Variants in CSMD2 observed in about 807,000 individuals in gnomAD.
The protein encoded by CSMD2 is CUB and sushi domain-containing protein 2.
CSMD2 carries 130 observed loss-of-function variants against 398.5 expected under a neutral mutation model. The observed-to-expected ratio is 0.33, with a 90% confidence interval of 0.28 to 0.38. The LOEUF is 0.38. CSMD2 is among the 10% of genes least tolerant of loss of function. The pLI, the probability that CSMD2 is intolerant of heterozygous loss-of-function variation, is 1.00. For synonymous variants in CSMD2, 1,828 were observed against 1,908.5 expected, an observed-to-expected ratio of 0.96 and a Z score of 1.10; for missense variants, 3,829 against 4,764.9, an observed-to-expected ratio of 0.80 and a Z score of 5.78.
At chr1:33,912,223 G>A (rs906166343) in intron 5 of CSMD2, among the ~76,000 whole-genome samples, 11 of 152,108 alleles carry the variant, frequency 7.2e-5, no homozygotes, top group African/African-American at 2.4e-4. Context: ...AGGGTGATCC[G>A]AGTGAAATAG....
At chr1:33,653,963 T>A (rs74066676) in intron 27 of CSMD2, among the ~76,000 whole-genome samples, 494 of 152,250 alleles carry the variant, frequency 3.2e-3, no homozygotes, top group African/African-American at 0.011. Flanking sequence ...GCACTGGTAC[T>A]TTAGCTGTGT....
intron 5 of CSMD2, among the ~76,000 whole-genome samples, chr1:33,910,853 T>C (rs1297461176): frequency 6.6e-6 from 1 of 152,170 alleles, no homozygotes; most frequent in African/African-American, 2.4e-5. Flanking sequence ...TGAAGTCAAG[T>C]TCTGGACTTT....
At chr1:33,987,023 G>C (rs373034324) in intron 3 of CSMD2, among the ~76,000 whole-genome samples, 115 of 152,210 alleles carry the variant, frequency 7.6e-4, no homozygotes, top group African/African-American at 2.6e-3. Flanking sequence ...CGATGGCACA[G>C]CAGGGATGGG....
intron 22 of CSMD2, among the ~76,000 whole-genome samples, chr1:33,706,058 T>C (rs1645767751): frequency 6.6e-6 from 1 of 152,192 alleles, no homozygotes; most frequent in Non-Finnish European, 1.5e-5. Context: ...TTTATTATGT[T>C]ACATTATTCA....
intron 2 of CSMD2, among the ~76,000 whole-genome samples, chr1:34,064,835 C>T (rs773854602): frequency 4.6e-5 from 7 of 152,070 alleles, no homozygotes; most frequent in African/African-American, 9.7e-5. Flanking sequence ...TTCCACATGG[C>T]GGGGGAGGCC....
At chr1:34,016,719 C>T (rs1296387328) in intron 3 of CSMD2, among the ~76,000 whole-genome samples, 1 of 152,060 alleles carries the variant, frequency 6.6e-6, no homozygotes, top group South Asian at 2.1e-4. Context: ...CAGTGATAGA[C>T]TGCATAAAGA....
chr1:33,825,298 G>A (rs1359215578), intron 7 of CSMD2, among the ~76,000 whole-genome samples: 1 of 152,188 alleles, frequency 6.6e-6, no homozygotes, highest in Non-Finnish European at 1.5e-5. Context: ...CTTGGGAGCT[G>A]GAACTGGGGC....
chr1:34,089,287 C>T (rs1396650209), intron 1 of CSMD2, 94 bp from the exon 2 acceptor site: 1 of 1,242,584 alleles, frequency 8.0e-7, no homozygotes, highest in Non-Finnish European at 1.1e-6. Context: ...ATCATGAACC[C>T]ACTTTTCCAA....
intron 2 of CSMD2, among the ~76,000 whole-genome samples, chr1:34,068,049 G>A (rs1655309908): frequency 6.6e-6 from 1 of 152,134 alleles, no homozygotes; most frequent in Non-Finnish European, 1.5e-5. Flanking sequence ...CCTGAGACAG[G>A]GACCCTCAGT....
chr1:33,711,050 T>C (rs1269728141), intron 21 of CSMD2, among the ~76,000 whole-genome samples: 1 of 152,202 alleles, frequency 6.6e-6, no homozygotes, highest in Non-Finnish European at 1.5e-5. Context: ...ATGATGAATG[T>C]GCTGAGATGG....
intron 25 of CSMD2, among the ~76,000 whole-genome samples, chr1:33,677,393 A>T (rs1425580659): frequency 6.6e-6 from 1 of 152,226 alleles, no homozygotes; most frequent in Non-Finnish European, 1.5e-5. Context: ...GAGAAATGCA[A>T]ATCAAAACCA....
chr1:33,970,463 T>C (rs1570670416), intron 3 of CSMD2, among the ~76,000 whole-genome samples: 1 of 152,112 alleles, frequency 6.6e-6, no homozygotes, highest in East Asian at 1.9e-4. Flanking sequence ...CAAAGTGACA[T>C]CCAATGGCAC....
intron 64 of CSMD2, among the ~76,000 whole-genome samples, chr1:33,528,900 G>T (rs1655012641): frequency 6.6e-6 from 1 of 152,138 alleles, no homozygotes; most frequent in Admixed American, 6.5e-5. Flanking sequence ...TAAATGGAAA[G>T]ACATCACATG....
chr1:33,730,991 T>C (rs901985293), intron 15 of CSMD2, among the ~76,000 whole-genome samples: 14 of 152,094 alleles, frequency 9.2e-5, no homozygotes, highest in Non-Finnish European at 1.5e-4. Context: ...CTAGGAGAAA[T>C]AACTGATTCT....
At chr1:33,964,281 G>A (rs1645478039) in intron 3 of CSMD2, among the ~76,000 whole-genome samples, 1 of 152,144 alleles carries the variant, frequency 6.6e-6, no homozygotes, top group South Asian at 2.1e-4. Flanking sequence ...ACATGGAGAT[G>A]ATAATAACAG....
intron 2 of CSMD2, among the ~76,000 whole-genome samples, chr1:34,053,292 A>G (rs183615630): frequency 3.5e-4 from 53 of 152,294 alleles, no homozygotes; most frequent in African/African-American, 1.3e-3. Context: ...ATCAGCAGGG[A>G]CAATTAGAAT....
chr1:33,789,926 C>T (rs1378230140), intron 11 of CSMD2, among the ~76,000 whole-genome samples: 1 of 152,216 alleles, frequency 6.6e-6, no homozygotes, highest in Admixed American at 6.5e-5. Flanking sequence ...CATTCATTTG[C>T]TGTGGGACCT....
rs375291115 is a variant in CSMD2, at chr1:33,625,145, G to A, written c.5406C>T (p.Asn1802=). The change falls in exon 34 of 71, where the codon AAC becomes AAT. Residue 1802 remains asparagine (N), a synonymous_variant. Transcript: ENST00000373381. Reference sequence around the variant, plus strand: ...GCGACCCCTGCAGGGCATAGCCGGAGTTGCATTCGAAGCGGACGATGGCCC... The same window carrying A: ...GCGACCCCTGCAGGGCATAGCCGGAATTGCATTCGAAGCGGACGATGGCCC... ...SVGAIVRFEC[N]SGYALQGSPE... 12 of 1,613,996 alleles carry A rather than the reference G, an allele frequency of 7.4e-6. No homozygotes were observed. The African/African-American group carries it at 1.6e-4, about 22-fold the overall frequency.
intron 28 of CSMD2, among the ~76,000 whole-genome samples, chr1:33,649,465 G>A (rs183393362): frequency 4.6e-5 from 7 of 152,284 alleles, no homozygotes; most frequent in East Asian, 3.9e-4. Flanking sequence ...CCAAAATGGC[G>A]AAACCCTGTC....
Sources: allele counts gnomAD v4.1 joint callset (sites outside exome capture counted in the v4.1 genomes callset), GRCh38; gene constraint gnomAD v4.1.1; transcripts MANE v1.5; gene names NCBI Gene and HGNC (gene_info 2026-07-23, HGNC 2026-07-21).